Variants in RUFY4 observed in about 807,000 individuals in gnomAD.
RUFY4 encodes RUN and FYVE domain containing 4.
A neutral mutation model predicts 69.0 loss-of-function variants in RUFY4; 73 were observed. The observed-to-expected ratio is 1.06, with a 90% CI of 0.88 to 1.29. The LOEUF is 1.29. Ranked by LOEUF, RUFY4 falls within the 50% of genes most tolerant of loss-of-function variation. The probability of loss-of-function intolerance (pLI) is 0.00; values close to 1 mark genes in which losing one functional copy is unlikely to be tolerated. For missense variants in RUFY4, 770 were observed against 705.6 expected (o/e 1.09, Z -1.03); for synonymous variants, 287 against 271.8 (o/e 1.06, Z -0.55).
chr2:218,043,941 G>A (rs868594334), intron 2 of RUFY4, among the ~76,000 whole-genome samples: 5 of 152,390 alleles, frequency 3.3e-5, no homozygotes, highest in Admixed American at 6.5e-5. Flanking sequence ...GGCTGAGGAG[G>A]CAGGGGGCTG....
At chr2:218,036,284 TAA>T (rs1958976171) in intron 2 of RUFY4, among the ~76,000 whole-genome samples, 1 of 152,182 alleles carries the variant, frequency 6.6e-6, no homozygotes, top group African/African-American at 2.4e-5. Context: ...TGGCCAGATA[TAA>T]GTCTTTCCCT....
chr2:218,072,795 G>A (rs935878616), exon 4 of RUFY4: 3 of 1,532,442 alleles, frequency 2.0e-6, no homozygotes, highest in East Asian at 2.4e-5. Flanking sequence ...ACCCCTCTGG[G>A]GAAAGGCCGT....
chr2:218,035,159 TGCCCCA>T (rs1246842267), exon 1 of RUFY4: 1 of 152,398 alleles, frequency 6.6e-6, no homozygotes, highest in African/African-American at 2.4e-5. Context: ...CGCGCTGTCG[TGCCCCA>T]GCCAGCCAGG....
At chr2:218,078,953 C>T (rs1451593581) in intron 8 of RUFY4, among the ~76,000 whole-genome samples, 1 of 152,172 alleles carries the variant, frequency 6.6e-6, no homozygotes, top group Non-Finnish European at 1.5e-5. Context: ...CCGCAACCTC[C>T]GCCTCCTGGG....
rs565965209 is a variant in RUFY4, at chr2:218,089,865, G to A, written c.1614-87G>A. On this transcript the variant is annotated intron_variant, in intron 10 of 10. Coordinates refer to ENST00000344321, the Ensembl canonical transcript of RUFY4. The stretch of plus-strand genomic sequence containing the variant: ...AACAGATGTCTCAGGTGGACCTGAA[G>A]ATGCTGGAACTCCATGACCTCAGCG... 3.4e-6 allele frequency: 3 copies of A among 894,426 alleles called. No homozygotes were observed. In the Admixed American group the frequency reaches 6.0e-5, roughly 18 times the overall value. The allele number at this position is 894,426 out of a possible 1,614,324, so 55.4% of individuals were successfully genotyped here.
exon 3 of RUFY4, chr2:218,072,446 C>G (rs755454736): frequency 6.5e-7 from 1 of 1,537,230 alleles, no homozygotes; most frequent in Non-Finnish European, 8.7e-7. Flanking sequence ...CACTGCCCTA[C>G]GACGGCAGCG....
chr2:218,089,423 C>A lies in RUFY4; in HGVS notation c.1613+61C>A, dbSNP rs1490548421. ...AGCCCAGTTTCCACCAGCTGACAGCCCCCACCCACCCCAGGGAAGGGAGGG... is the reference window on the plus strand; with the variant it reads ...AGCCCAGTTTCCACCAGCTGACAGCACCCACCCACCCCAGGGAAGGGAGGG... On this transcript the variant is annotated intron_variant, in intron 10 of 10. Coordinates refer to ENST00000344321, the Ensembl canonical transcript of RUFY4. 1.0e-5 allele frequency: 14 copies of A among 1,404,124 alleles called. No homozygotes were observed. The Admixed American group carries it at 2.5e-4, about 25-fold the overall frequency. The allele number at this position is 1,404,124 out of a possible 1,614,324, so 87.0% of individuals were successfully genotyped here. A position where few individuals can be genotyped will look rare whatever the true frequency, so the allele number is the denominator to read the frequency against.
intron 2 of RUFY4, among the ~76,000 whole-genome samples, chr2:218,050,608 T>C (rs114770823): frequency 1.3e-5 from 2 of 152,360 alleles, no homozygotes; most frequent in East Asian, 1.9e-4. Context: ...GCATTTCATG[T>C]TCTATGACCT....
upstream of RUFY4, chr2:218,070,394 G>A (rs1212705244): frequency 1.3e-5 from 8 of 620,040 alleles, no homozygotes; most frequent in Non-Finnish European, 2.3e-5. Flanking sequence ...AATCGGTGGA[G>A]GCCACACCAT....
At chr2:218,047,283 T>C (rs964888716) in intron 2 of RUFY4, among the ~76,000 whole-genome samples, 4 of 152,240 alleles carry the variant, frequency 2.6e-5, no homozygotes, top group African/African-American at 9.6e-5. Flanking sequence ...AATTCTAACT[T>C]TGCACCAGTA....
At chr2:218,087,901 T>C (rs1689931534) in intron 9 of RUFY4, among the ~76,000 whole-genome samples, 2 of 151,468 alleles carry the variant, frequency 1.3e-5, no homozygotes, top group South Asian at 4.2e-4. Flanking sequence ...GTTAGGAGGG[T>C]GAGTTAGTGA....
At chr2:218,062,609 G>A (rs1417497410) in intron 3 of RUFY4, among the ~76,000 whole-genome samples, 3 of 152,112 alleles carry the variant, frequency 2.0e-5, no homozygotes, top group Non-Finnish European at 4.4e-5. Context: ...TACCTGGGAG[G>A]CTGAGGCAGG....
At chr2:218,057,078 C>CAAA (rs1026307473) in intron 2 of RUFY4, among the ~76,000 whole-genome samples, 1 of 124,384 alleles carries the variant, frequency 8.0e-6, no homozygotes, top group African/African-American at 3.0e-5. Context: ...GACTCTATCT[C>CAAA]AAAAAAAAAA....
Position 218,072,216 on chromosome 2 carries a change from C to T in RUFY4, c.154-158C>T, listed in dbSNP as rs148011267. Among the ~76,000 whole-genome samples, 595 of 152,322 alleles carry T rather than the reference C, an allele frequency of 3.9e-3. 4 individuals carry two copies. Among genetic ancestry groups the T allele is most frequent in the African/African-American group, 0.013 (534 of 41,566 alleles). The stretch of plus-strand genomic sequence containing the variant: ...GCTCAGGGAGGTCAAGCCCCTTGCT[C>T]GTGGTCACACAGCCAGTAAGGACAG... On this transcript the variant is annotated intron_variant, in intron 2 of 10. Transcript: ENST00000344321.
intron 2 of RUFY4, among the ~76,000 whole-genome samples, chr2:218,053,884 A>G (rs1229772626): frequency 3.3e-5 from 5 of 152,184 alleles, no homozygotes; most frequent in African/African-American, 1.2e-4. Flanking sequence ...AGCTCAAGAA[A>G]TCCACCTGCC....
intron 2 of RUFY4, among the ~76,000 whole-genome samples, chr2:218,035,977 T>G (rs1044354132): frequency 6.6e-6 from 1 of 152,156 alleles, no homozygotes; most frequent in Non-Finnish European, 1.5e-5. Flanking sequence ...AGTGTCCACA[T>G]GGCATGAACC....
intron 9 of RUFY4, 96 bp from the exon 12 acceptor site, chr2:218,089,156 T>C (rs1225960537): frequency 1.1e-6 from 1 of 910,896 alleles, no homozygotes; most frequent in Non-Finnish European, 1.7e-6. Context: ...TGTGATTCCG[T>C]CTGTTCCTCT....
intron 2 of RUFY4, among the ~76,000 whole-genome samples, chr2:218,048,655 G>A (rs892129086): frequency 1.2e-4 from 18 of 151,960 alleles, no homozygotes; most frequent in African/African-American, 4.1e-4. Flanking sequence ...AATAAACTCA[G>A]TTACCACTTA....
chr2:218,058,711 T>A (rs1046737440), intron 3 of RUFY4: 3 of 152,192 alleles, frequency 2.0e-5, no homozygotes, highest in Admixed American at 6.5e-5. Context: ...CACCACCATA[T>A]GATGGGTGTG....
Sources: gnomAD v4.1 joint callset for allele counts (sites outside exome capture counted in the v4.1 genomes callset) on GRCh38, gnomAD v4.1.1 for gene constraint, MANE v1.5 for transcripts, NCBI Gene and HGNC (gene_info 2026-07-23, HGNC 2026-07-21) for gene names.